Variants in FSTL4 observed in about 807,000 individuals in gnomAD.
The protein encoded by FSTL4 is follistatin like 4.
Under a neutral mutation model 78.2 loss-of-function variants are expected in FSTL4, and 28 were observed. That is an observed-to-expected ratio of 0.36 (90% confidence interval 0.27 to 0.49). FSTL4 has a LOEUF of 0.49. FSTL4 is among the 20% of genes least tolerant of loss of function. The pLI is 0.98. For missense variants in FSTL4, 922 were observed against 1,084.9 expected (o/e 0.85, Z 2.11); for synonymous variants, 422 against 440.5 (o/e 0.96, Z 0.53).
chr5:133,512,404 T>C (rs977758472), intron 3 of FSTL4, among the ~76,000 whole-genome samples: 2 of 152,250 alleles, frequency 1.3e-5, no homozygotes, highest in Non-Finnish European at 2.9e-5. Flanking sequence ...CTTAGAGGGC[T>C]TGGATCTCAA....
chr5:133,239,852 CA>C (rs1276288269), intron 7 of FSTL4, among the ~76,000 whole-genome samples: 2 of 152,178 alleles, frequency 1.3e-5, no homozygotes, highest in Non-Finnish European at 2.9e-5. Flanking sequence ...ATAAACGCAC[CA>C]ATCAGCACCC....
intron 3 of FSTL4, among the ~76,000 whole-genome samples, chr5:133,512,518 A>C (rs1580756813): frequency 6.6e-6 from 1 of 152,322 alleles, no homozygotes; most frequent in East Asian, 1.9e-4. Flanking sequence ...GTAATTCTTT[A>C]AAGAATTTTA....
the FSTL4 span, among the ~76,000 whole-genome samples, chr5:133,640,982 T>C: frequency 1.3e-3 from 198 of 152,328 alleles, no homozygotes; most frequent in African/African-American, 4.7e-3. Flanking sequence ...ATGTGACTGC[T>C]CTTGCTTTCC....
chr5:133,444,380 T>C (rs1422617336), intron 3 of FSTL4, among the ~76,000 whole-genome samples: 1 of 152,144 alleles, frequency 6.6e-6, no homozygotes, highest in East Asian at 1.9e-4. Context: ...GCACCCTCCT[T>C]ACCTACAGCC....
At chr5:133,537,523 T>C (rs1453635170) in intron 3 of FSTL4, among the ~76,000 whole-genome samples, 2 of 152,200 alleles carry the variant, frequency 1.3e-5, no homozygotes, top group Non-Finnish European at 2.9e-5. Flanking sequence ...TACACAACCA[T>C]ATCATTTGTG....
chr5:133,235,938 C>T (rs1429981309), intron 7 of FSTL4, among the ~76,000 whole-genome samples: 1 of 152,054 alleles, frequency 6.6e-6, no homozygotes, highest in Non-Finnish European at 1.5e-5. Flanking sequence ...ATCTGTTTAG[C>T]TTGGAGTCTC....
the FSTL4 span, among the ~76,000 whole-genome samples, chr5:133,717,984 G>A: frequency 2.0e-5 from 3 of 152,148 alleles, no homozygotes; most frequent in African/African-American, 7.2e-5. Context: ...CTGCCCAACT[G>A]TTTTACAAAG....
chr5:133,716,687 AT>A, the FSTL4 span, among the ~76,000 whole-genome samples: 19 of 152,326 alleles, frequency 1.2e-4, no homozygotes, highest in East Asian at 3.5e-3. Context: ...GACGTCATAA[AT>A]TTATACAATC....
the FSTL4 span, among the ~76,000 whole-genome samples, chr5:133,631,955 A>G: frequency 6.6e-5 from 10 of 152,050 alleles, no homozygotes; most frequent in African/African-American, 2.2e-4. Flanking sequence ...CAATGAGAAC[A>G]CATGGACACA....
At chr5:133,485,304 G>A (rs980793572) in intron 3 of FSTL4, among the ~76,000 whole-genome samples, 3 of 152,216 alleles carry the variant, frequency 2.0e-5, no homozygotes, top group African/African-American at 4.8e-5. Flanking sequence ...AGCAGATGCT[G>A]AAGAATATCT....
chr5:133,540,165 C>T (rs1188907044), intron 3 of FSTL4, among the ~76,000 whole-genome samples: 2 of 151,994 alleles, frequency 1.3e-5, no homozygotes, highest in African/African-American at 4.8e-5. Flanking sequence ...GCCAGCTTAC[C>T]CCATCAGATT....
chr5:133,346,375 G>A (rs184524700), intron 4 of FSTL4, among the ~76,000 whole-genome samples: 4 of 152,048 alleles, frequency 2.6e-5, no homozygotes, highest in African/African-American at 9.7e-5. Flanking sequence ...AAACCTGCAC[G>A]TTCTGCACAC....
At chr5:133,353,687 A>G (rs1486584002) in intron 4 of FSTL4, among the ~76,000 whole-genome samples, 1 of 152,270 alleles carries the variant, frequency 6.6e-6, no homozygotes, top group Non-Finnish European at 1.5e-5. Context: ...GTGTTATAGC[A>G]GAGGCCATAA....
intron 3 of FSTL4, among the ~76,000 whole-genome samples, chr5:133,544,545 C>T (rs1759536752): frequency 6.6e-6 from 1 of 152,160 alleles, no homozygotes; most frequent in Admixed American, 6.5e-5. Flanking sequence ...AAAGAAAACA[C>T]ACGAGATGAG....
intron 3 of FSTL4, among the ~76,000 whole-genome samples, chr5:133,514,489 A>G (rs969782025): frequency 2.6e-5 from 4 of 152,218 alleles, no homozygotes; most frequent in African/African-American, 9.6e-5. Context: ...GCTGTCCCAG[A>G]GTGCAGAGAA....
chr5:133,278,203 C>T (rs542387106), intron 6 of FSTL4, among the ~76,000 whole-genome samples: 16 of 152,290 alleles, frequency 1.1e-4, no homozygotes, highest in South Asian at 4.1e-4. Flanking sequence ...GCTGCAAGAA[C>T]GGCCAGTCTA....
At chr5:133,548,884 G>A (rs1296426106) in intron 3 of FSTL4, among the ~76,000 whole-genome samples, 1 of 152,134 alleles carries the variant, frequency 6.6e-6, no homozygotes, top group African/African-American at 2.4e-5. Flanking sequence ...GTGGAACATG[G>A]TTAATAGGTC....
chr5:133,698,578 C>A, the FSTL4 span, among the ~76,000 whole-genome samples: 1 of 152,212 alleles, frequency 6.6e-6, no homozygotes. Context: ...CCATTACATG[C>A]GATAATGCGT....
chr5:133,764,253 C>T, the FSTL4 span, among the ~76,000 whole-genome samples: 4 of 152,192 alleles, frequency 2.6e-5, no homozygotes, highest in Admixed American at 2.6e-4. Flanking sequence ...ACCAAAGTAG[C>T]CTCTTTCCTT....
Sources: allele counts gnomAD v4.1 joint callset (sites outside exome capture counted in the v4.1 genomes callset), GRCh38; gene constraint gnomAD v4.1.1; transcripts MANE v1.5; gene names NCBI Gene and HGNC (gene_info 2026-07-23, HGNC 2026-07-21).